MPPED2: variants seen among roughly 807,000 people sequenced by gnomAD.
The protein encoded by MPPED2 is metallophosphoesterase MPPED2.
In MPPED2, 5 loss-of-function variants were observed where a neutral mutation model predicts 33.0. That is an observed-to-expected ratio of 0.15 (90% confidence interval 0.08 to 0.32). MPPED2 has a LOEUF of 0.32. MPPED2 is among the 10% of genes least tolerant of loss of function. The probability of loss-of-function intolerance (pLI) is 1.00; values close to 1 mark genes in which losing one functional copy is unlikely to be tolerated. For missense variants in MPPED2, 275 were observed against 372.1 expected, an observed-to-expected ratio of 0.74 and a Z score of 2.15; for synonymous variants, 136 against 141.9, an observed-to-expected ratio of 0.96 and a Z score of 0.29.
chr11:30,536,171 C>T lies in MPPED2; in HGVS notation c.133G>A (p.Asp45Asn), dbSNP rs1209653458. The T allele has an allele frequency of 8.8e-6, 14 of 1,596,326 alleles. No homozygotes were observed. Among genetic ancestry groups the T allele is most frequent in the East Asian group, 2.2e-5 (1 of 44,564 alleles). The change falls in exon 3 of 7, where the codon GAC (aspartate) becomes AAC (asparagine). Residue 45 changes from aspartate to asparagine, a missense_variant. By Grantham distance (23) the Asp-to-Asn change is conservative (BLOSUM62 1). Coordinates refer to ENST00000358117, the MANE Select transcript of MPPED2 (RefSeq NM_001584.3). ...RFQPPHVHMVDPIPYDTPKPA... is the reference protein window; with the variant it reads ...RFQPPHVHMVNPIPYDTPKPA... ...TTTGGAGTGTCATATGGGATGGGGT[C>T]GACCCTAAAGTAGACATAACAGATC...
At chr11:30,451,165 G>A (rs1184438872) in intron 4 of MPPED2, among the ~76,000 whole-genome samples, 1 of 152,204 alleles carries the variant, frequency 6.6e-6, no homozygotes, top group Non-Finnish European at 1.5e-5. Context: ...TAAAGATGAG[G>A]ATGGGGACTT....
intron 3 of MPPED2, among the ~76,000 whole-genome samples, chr11:30,497,823 C>T (rs1279317020): frequency 1.3e-5 from 2 of 152,030 alleles, no homozygotes; most frequent in Non-Finnish European, 2.9e-5. Flanking sequence ...AAGGTAGCCA[C>T]CAAAATGAAG....
At chr11:30,446,034 G>A (rs1949792787) in intron 4 of MPPED2, among the ~76,000 whole-genome samples, 1 of 152,140 alleles carries the variant, frequency 6.6e-6, no homozygotes, top group South Asian at 2.1e-4. Context: ...CGTTCTTGAG[G>A]GTCCTGTTTC....
intron 4 of MPPED2, among the ~76,000 whole-genome samples, chr11:30,471,798 G>A (rs1016116351): frequency 6.6e-6 from 1 of 152,148 alleles, no homozygotes; most frequent in Non-Finnish European, 1.5e-5. Flanking sequence ...GAAGACACAG[G>A]AATAAGTTTC....
chr11:30,557,332 T>C (rs950976548), intron 2 of MPPED2, among the ~76,000 whole-genome samples: 6 of 151,376 alleles, frequency 4.0e-5, no homozygotes, highest in Admixed American at 3.9e-4. Flanking sequence ...ATTAAAACGC[T>C]TTGTTGGAGA....
intron 4 of MPPED2, among the ~76,000 whole-genome samples, chr11:30,453,678 T>C (rs950672502): frequency 6.6e-6 from 1 of 152,246 alleles, no homozygotes; most frequent in Non-Finnish European, 1.5e-5. Flanking sequence ...CTACAGTTTG[T>C]TCTGTGATTT....
In MPPED2 at chr11:30,428,510, C is replaced by T. The variant is rs3781840; in HGVS notation, c.537-10877G>A. ...GCTCTGATACACCACTGCACTCCAGCCTTGGCTGTCTCTAAAAATAAAAAA... is the reference window on the plus strand; with the variant it reads ...GCTCTGATACACCACTGCACTCCAGTCTTGGCTGTCTCTAAAAATAAAAAA... On this transcript the variant is annotated intron_variant, in intron 4 of 6. Transcript: ENST00000358117. Among the ~76,000 whole-genome samples the T allele has an allele frequency of 0.012, 1,847 of 152,222 alleles. 120 individuals carry two copies. In the East Asian group the frequency reaches 0.21, roughly 17 times the overall value.
chr11:30,440,162 T>A (rs932399495), intron 4 of MPPED2, among the ~76,000 whole-genome samples: 1 of 152,056 alleles, frequency 6.6e-6, no homozygotes, highest in Non-Finnish European at 1.5e-5. Context: ...AAACCCCGTC[T>A]CTACTAAAAA....
chr11:30,407,975 G>A (rs929074609), downstream of MPPED2, among the ~76,000 whole-genome samples: 3 of 152,092 alleles, frequency 2.0e-5, no homozygotes, highest in Non-Finnish European at 4.4e-5. Context: ...CAAAGCATGG[G>A]TGACCTTATT....
chr11:30,531,366 A>C (rs934860594), intron 3 of MPPED2, among the ~76,000 whole-genome samples: 34 of 152,188 alleles, frequency 2.2e-4, no homozygotes, highest in African/African-American at 8.2e-4. Context: ...ATGTCTGATT[A>C]GCCAGACTGG....
chr11:30,482,201 T>C (rs1318389278), intron 4 of MPPED2, among the ~76,000 whole-genome samples: 1 of 152,202 alleles, frequency 6.6e-6, no homozygotes, highest in Non-Finnish European at 1.5e-5. Context: ...AAATCGCTGT[T>C]ATAACTTGTG....
At chr11:30,550,421 A>T (rs1955647849) in intron 2 of MPPED2, among the ~76,000 whole-genome samples, 1 of 152,218 alleles carries the variant, frequency 6.6e-6, no homozygotes, top group South Asian at 2.1e-4. Flanking sequence ...TCCAGAGCCA[A>T]AGCCCGTCAG....
Position 30,580,502 on chromosome 11 carries a change from A to AT in MPPED2, c.-121-9_-121-8insA. The AT allele has an allele frequency of 7.5e-7, 1 of 1,334,234 alleles. No homozygotes were observed. Among genetic ancestry groups the AT allele is most frequent in the Non-Finnish European group, 9.8e-7 (1 of 1,022,674 alleles). The allele number at this position is 1,334,234 out of a possible 1,614,324, so 82.6% of individuals were successfully genotyped here. A position where few individuals can be genotyped will look rare whatever the true frequency, so the allele number is the denominator to read the frequency against. On this transcript the variant is annotated splice_polypyrimidine_tract_variant and intron_variant, in intron 1 of 6. Coordinates refer to ENST00000358117, the MANE Select transcript of MPPED2 (RefSeq NM_001584.3). ...CAATACCGCTGTGCATTTCTGAAAG[A>AT]AAAAAAAAATGTATATAAAATGAGA...
intron 3 of MPPED2, among the ~76,000 whole-genome samples, chr11:30,501,295 G>A (rs1432657398): frequency 1.3e-5 from 2 of 152,156 alleles, no homozygotes; most frequent in Non-Finnish European, 2.9e-5. Flanking sequence ...ATCTGAAGAC[G>A]AAAAAGAACA....
chr11:30,553,220 T>A (rs1955799940), intron 2 of MPPED2, among the ~76,000 whole-genome samples: 1 of 152,182 alleles, frequency 6.6e-6, no homozygotes, highest in African/African-American at 2.4e-5. Context: ...ACACACTTTT[T>A]AAATAACAGA....
At chr11:30,429,861 T>C (rs1949002757) in intron 4 of MPPED2, among the ~76,000 whole-genome samples, 1 of 152,240 alleles carries the variant, frequency 6.6e-6, no homozygotes, top group Non-Finnish European at 1.5e-5. Context: ...TTTCTGGAAT[T>C]TGTCATGCTC....
At chr11:30,441,313 C>T (rs1304589221) in intron 4 of MPPED2, 1 of 152,208 alleles carries the variant, frequency 6.6e-6, no homozygotes, top group African/African-American at 2.4e-5. Context: ...TCCAATGCTG[C>T]TGAGAAAAGG....
At chr11:30,431,024 T>C (rs963661558) in intron 4 of MPPED2, among the ~76,000 whole-genome samples, 6 of 152,196 alleles carry the variant, frequency 3.9e-5, no homozygotes, top group African/African-American at 1.4e-4. Context: ...ATAAAATATA[T>C]GCAATATATA....
downstream of MPPED2, among the ~76,000 whole-genome samples, chr11:30,409,284 A>G (rs914251835): frequency 6.6e-5 from 10 of 152,132 alleles, no homozygotes; most frequent in Non-Finnish European, 1.3e-4. Context: ...TGGGGCTTGA[A>G]GTGAACACCC....
Sources: allele counts gnomAD v4.1 joint callset (sites outside exome capture counted in the v4.1 genomes callset), GRCh38; gene constraint gnomAD v4.1.1; transcripts MANE v1.5; gene names NCBI Gene and HGNC (gene_info 2026-07-23, HGNC 2026-07-21).